Variants in UTRN observed in about 807,000 individuals in gnomAD.
UTRN encodes the protein utrophin, also known as dystrophin-related protein 1.
A neutral mutation model predicts 463.9 loss-of-function variants in UTRN; 283 were observed. The observed-to-expected ratio is 0.61, with a 90% confidence interval of 0.55 to 0.67. The LOEUF is 0.67. Among genes scored for constraint, UTRN ranks in the 30% least tolerant of loss-of-function variants. The probability of loss-of-function intolerance (pLI) is 0.00; values close to 1 mark genes in which losing one functional copy is unlikely to be tolerated. For synonymous variants in UTRN, 1,442 were observed against 1,431.5 expected, an observed-to-expected ratio of 1.01 and a Z score of -0.17; for missense variants, 3,922 against 4,084.3, an observed-to-expected ratio of 0.96 and a Z score of 1.08.
At chr6:144,416,978 A>G (rs892567197) in intron 3 of UTRN, among the ~76,000 whole-genome samples, 1 of 152,228 alleles carries the variant, frequency 6.6e-6, no homozygotes, top group Non-Finnish European at 1.5e-5. Flanking sequence ...AAATTGAAAT[A>G]AGAGGTTAAC....
chr6:144,414,806 C>T (rs2114828643), intron 3 of UTRN, among the ~76,000 whole-genome samples: 1 of 151,708 alleles, frequency 6.6e-6, no homozygotes, highest in South Asian at 2.1e-4. Flanking sequence ...ACCTCCGCCT[C>T]CCAGGTTCAA....
rs537723497 is a variant in UTRN, at chr6:144,752,549, AAT to A, written c.8355+600_8355+601del. Among the ~76,000 whole-genome samples the A allele has an allele frequency of 4.1e-3, 630 of 152,292 alleles. 3 individuals carry two copies. Among genetic ancestry groups the A allele is most frequent in the African/African-American group, 0.015 (604 of 41,576 alleles). Reference sequence around the variant, plus strand: ...ATAATAGGTTTGCTGAATTAATTCAAATATCAAAGCACTCAATGGTTCATATT... The same window carrying A: ...ATAATAGGTTTGCTGAATTAATTCAAATCAAAGCACTCAATGGTTCATATT... On this transcript the variant is annotated intron_variant, in intron 56 of 74. Transcript: ENST00000367545.
chr6:144,544,553 G>C (rs1798236360), intron 46 of UTRN, among the ~76,000 whole-genome samples: 1 of 151,842 alleles, frequency 6.6e-6, no homozygotes, highest in African/African-American at 2.4e-5. Context: ...GTTCATCCTT[G>C]CCAACACCTT....
At chr6:144,532,898 T>A (rs377559101) in intron 42 of UTRN, among the ~76,000 whole-genome samples, 187 bp from the exon 43 acceptor site, 2 of 152,234 alleles carry the variant, frequency 1.3e-5, no homozygotes, top group Admixed American at 1.3e-4. Flanking sequence ...AAAATAAATT[T>A]CATTTAGCAT....
In UTRN at chr6:144,286,349, T is replaced by G. The variant is rs1289318585; in HGVS notation, c.-93+528T>G. Among the ~76,000 whole-genome samples the G allele has an allele frequency of 6.6e-6, 1 of 151,896 alleles. No individual in the cohort carries two copies. The highest frequency in any genetic ancestry group is 6.6e-5 in the Admixed American group (1 of 15,256). ...GTGTGGTCGGCGGCCAGCGGAGCGC[T>G]TCCCAGCCAGCCGCCCGGCGGGGAA... On this transcript the variant is annotated intron_variant, in intron 1 of 74. Coordinates refer to ENST00000367545, the MANE Select transcript of UTRN (RefSeq NM_007124.3). The surrounding 1 kb of genome is among the most constrained non-coding windows in gnomAD (Gnocchi z 4.4).
At chr6:144,440,326 TG>T in intron 12 of UTRN, 25 bp from the exon 13 acceptor site, 1 of 1,613,334 alleles carries the variant, frequency 6.2e-7, no homozygotes, top group Non-Finnish European at 8.5e-7. Flanking sequence ...GTAGAAATAA[TG>T]GTTTATCTTA....
chr6:144,309,028 T>C (rs550846155), intron 2 of UTRN, among the ~76,000 whole-genome samples: 2 of 152,342 alleles, frequency 1.3e-5, no homozygotes, highest in East Asian at 3.9e-4. Context: ...TCCTTGTTGC[T>C]AAATCCAGTA....
chr6:144,832,681 A>T (rs903918177), intron 69 of UTRN, among the ~76,000 whole-genome samples: 2 of 152,160 alleles, frequency 1.3e-5, no homozygotes, highest in Non-Finnish European at 2.9e-5. Context: ...GCTTAAAGGG[A>T]TCCAAGTTTT....
chr6:144,548,723 A>C lies in UTRN; in HGVS notation c.6679A>C (p.Ile2227Leu), dbSNP rs116515472. 1 of 1,614,042 alleles carries C rather than the reference A, an allele frequency of 6.2e-7. No homozygotes were observed. Among genetic ancestry groups the C allele is most frequent in the Admixed American group, 1.7e-5 (1 of 60,020 alleles). Reference sequence around the variant, plus strand: ...GTCTCATCGTACTTCGGAAATTTCAATTCCTGCTGATCTTGATAAAACTAT... The same window carrying C: ...GTCTCATCGTACTTCGGAAATTTCACTTCCTGCTGATCTTGATAAAACTAT... ...VQSHRTSEIS[I>L]PADLDKTITE... is the part of the protein sequence containing the mutation. Residue 2227 changes from isoleucine (I) to leucine (L), a missense_variant, in exon 47 of 75, where the codon ATT becomes CTT. This residue lies in a region of UTRN where 2,349 missense variants were observed against 2,303.8 expected (regional missense o/e 1.02). Coordinates refer to ENST00000367545, the MANE Select transcript of UTRN (RefSeq NM_007124.3).
At chr6:144,518,236 C>A (rs1204638432) in intron 39 of UTRN, among the ~76,000 whole-genome samples, 2 of 152,192 alleles carry the variant, frequency 1.3e-5, no homozygotes, top group Non-Finnish European at 2.9e-5. Context: ...CTCTTCCTCA[C>A]AGTTATTCTC....
chr6:144,532,484 A>G (rs1243089427), intron 42 of UTRN, among the ~76,000 whole-genome samples: 3 of 152,002 alleles, frequency 2.0e-5, no homozygotes, highest in Admixed American at 6.5e-5. Flanking sequence ...CCATCAGATC[A>G]CTCTCACTAG....
At chr6:144,528,632 T>A (rs917466236) in intron 41 of UTRN, among the ~76,000 whole-genome samples, 7 of 152,066 alleles carry the variant, frequency 4.6e-5, no homozygotes, top group Non-Finnish European at 1.0e-4. Flanking sequence ...CTGCAAAGAG[T>A]CCTGTGATGT....
chr6:144,691,589 A>G (rs1783424235), intron 52 of UTRN, among the ~76,000 whole-genome samples: 1 of 152,026 alleles, frequency 6.6e-6, no homozygotes, highest in Non-Finnish European at 1.5e-5. Context: ...CCTAGTTTGG[A>G]GCCCATCATA....
chr6:144,522,537 A>G (rs144887353), intron 40 of UTRN, among the ~76,000 whole-genome samples: 5 of 152,300 alleles, frequency 3.3e-5, no homozygotes, highest in East Asian at 1.9e-4. Context: ...CAGTTGAGGT[A>G]TGGAATGGCA....
chr6:144,669,956 GGTGTGTGT>G lies in UTRN; in HGVS notation c.7480-8423_7480-8416del, dbSNP rs35769043. 8.4e-3 allele frequency among the ~76,000 whole-genome samples: 1,239 copies of G among 147,982 alleles called. 7 individuals carry two copies. Among genetic ancestry groups the G allele is most frequent in the Non-Finnish European group, 0.012 (829 of 66,898 alleles). ...CCTGAGTAGTATTGTAGTATTCCAT[GGTGTGTGT>G]GTGTGTGTGTGTGTGTGTGTGTGTG... On this transcript the variant is annotated intron_variant, in intron 51 of 74. Coordinates refer to ENST00000367545, the MANE Select transcript of UTRN (RefSeq NM_007124.3).
intron 58 of UTRN, among the ~76,000 whole-genome samples, chr6:144,760,225 T>C (rs1340686155): frequency 1.3e-5 from 2 of 152,148 alleles, no homozygotes; most frequent in South Asian, 2.1e-4. Flanking sequence ...ATTCTTGTTC[T>C]TGTGGGGCAG....
intron 58 of UTRN, among the ~76,000 whole-genome samples, chr6:144,767,055 C>T (rs905113574): frequency 1.2e-4 from 18 of 151,520 alleles, no homozygotes; most frequent in African/African-American, 3.4e-4. Flanking sequence ...TTCAATGAAG[C>T]GTGAGATAAA....
chr6:144,691,858 T>A (rs1015412911), intron 52 of UTRN, among the ~76,000 whole-genome samples: 1 of 152,194 alleles, frequency 6.6e-6, no homozygotes, highest in Non-Finnish European at 1.5e-5. Flanking sequence ...TTTTATTTTT[T>A]AATTATTTAT....
At position 144,806,884 on chromosome 6, in the gene UTRN, A is replaced by G. The variant is rs974452931; in HGVS notation, c.9357+3737A>G. The stretch of plus-strand genomic sequence containing the variant: ...ATATAAATGCAAGTATTCAGAAATC[A>G]TTGCTTTCTGAAATTTCTTTCTGTT... On this transcript the variant is annotated intron_variant, in intron 65 of 74. Coordinates refer to ENST00000367545, the MANE Select transcript of UTRN (RefSeq NM_007124.3). 2.0e-5 allele frequency among the ~76,000 whole-genome samples: 3 copies of G among 152,040 alleles called. 1 individual carries two copies. Among genetic ancestry groups the G allele is most frequent in the Non-Finnish European group, 2.9e-5 (2 of 67,990 alleles).
Sources: allele counts gnomAD v4.1 joint callset (sites outside exome capture counted in the v4.1 genomes callset), GRCh38; gene constraint gnomAD v4.1.1; regional missense constraint gnomAD v4.1.1; non-coding constraint Gnocchi (gnomAD v3.1); transcripts MANE v1.5; gene names NCBI Gene and HGNC (gene_info 2026-07-23, HGNC 2026-07-21).